Variants in HDAC9 observed in about 807,000 individuals in gnomAD.
HDAC9 encodes the protein MEF-2 interacting transcription repressor (MITR) protein.
HDAC9 carries 41 observed loss-of-function variants against 139.4 expected under a neutral mutation model. That is an observed-to-expected ratio of 0.29 (90% CI 0.23 to 0.38). HDAC9 has a LOEUF of 0.38. Ranked by LOEUF, HDAC9 falls within the 10% of genes least tolerant of loss-of-function variation. HDAC9 has a pLI of 1.00. For synonymous variants in HDAC9, 517 were observed against 476.2 expected, an observed-to-expected ratio of 1.09 and a Z score of -1.12; for missense variants, 1,147 against 1,297.0, an observed-to-expected ratio of 0.88 and a Z score of 1.78.
intron 17 of HDAC9, among the ~76,000 whole-genome samples, chr7:18,827,832 C>G (rs1795568807): frequency 6.6e-6 from 1 of 152,082 alleles, no homozygotes; most frequent in South Asian, 2.1e-4. Context: ...ATTCTCTATT[C>G]TCAGAAGTCC....
At chr7:18,163,210 C>G (rs1324104159) in intron 2 of HDAC9, among the ~76,000 whole-genome samples, 15 of 152,174 alleles carry the variant, frequency 9.9e-5, no homozygotes, top group Non-Finnish European at 2.9e-5. Context: ...TTTGGGAATT[C>G]CGCTGTTTCA....
At chr7:18,288,000 T>C (rs1370577568), upstream of HDAC9, among the ~76,000 whole-genome samples, 6 of 152,232 alleles carry the variant, frequency 3.9e-5, no homozygotes, top group Admixed American at 6.5e-5. Context: ...AAAAATTGCT[T>C]TAATTCAATT....
At chr7:18,857,848 GTGACATTCCCATTTTCAATGGGAATT>G (rs1457471571) in intron 21 of HDAC9, among the ~76,000 whole-genome samples, 1 of 152,058 alleles carries the variant, frequency 6.6e-6, no homozygotes, top group Non-Finnish European at 1.5e-5. Flanking sequence ...AAATGGGAAT[GTGACATTCCCATTTTCAATGGGAATT>G]TGAAAATATT....
At chr7:18,297,491 C>A (rs1028474284) in intron 1 of HDAC9, among the ~76,000 whole-genome samples, 2 of 152,158 alleles carry the variant, frequency 1.3e-5, no homozygotes, top group African/African-American at 4.8e-5. Flanking sequence ...CCAATCCATC[C>A]TACAGGCATA....
chr7:18,335,128 G>A (rs1404625170), intron 1 of HDAC9, among the ~76,000 whole-genome samples: 1 of 151,470 alleles, frequency 6.6e-6, no homozygotes, highest in African/African-American at 2.4e-5. Context: ...TATTGAAAGT[G>A]AGAATTGTCA....
chr7:18,550,855 T>C (rs895713508), intron 2 of HDAC9, among the ~76,000 whole-genome samples: 23 of 152,206 alleles, frequency 1.5e-4, no homozygotes, highest in African/African-American at 5.5e-4. Context: ...TTTGAAGGTG[T>C]TGGTTTTTAC....
chr7:18,853,225 T>G (rs1002778784), intron 21 of HDAC9, among the ~76,000 whole-genome samples: 6 of 152,122 alleles, frequency 3.9e-5, no homozygotes, highest in Non-Finnish European at 5.9e-5. Context: ...CATCCTAGTC[T>G]CCTTAAAAAT....
At chr7:18,899,112 G>A (rs895623048) in intron 22 of HDAC9, among the ~76,000 whole-genome samples, 1 of 151,958 alleles carries the variant, frequency 6.6e-6, no homozygotes, top group Non-Finnish European at 1.5e-5. Flanking sequence ...GAAAAAACAT[G>A]TTTTAATGTT....
intron 2 of HDAC9, among the ~76,000 whole-genome samples, chr7:18,564,191 C>T (rs192919535): frequency 6.6e-6 from 1 of 151,970 alleles, no homozygotes; most frequent in East Asian, 1.9e-4. Context: ...ATGTTCAAGG[C>T]CTGCATAGTT....
At chr7:18,847,762 G>T (rs1797007507) in intron 21 of HDAC9, among the ~76,000 whole-genome samples, 1 of 152,138 alleles carries the variant, frequency 6.6e-6, no homozygotes, top group African/African-American at 2.4e-5. Context: ...TCTGCCTTTG[G>T]TCCAACTGGT....
intron 1 of HDAC9, among the ~76,000 whole-genome samples, chr7:18,318,005 G>C (rs1022955503): frequency 6.6e-6 from 1 of 152,130 alleles, no homozygotes; most frequent in African/African-American, 2.4e-5. Flanking sequence ...ATATGATAAT[G>C]GTTGCCTGTA....
chr7:18,788,483 G>A (rs563863667), intron 16 of HDAC9, among the ~76,000 whole-genome samples: 197 of 152,178 alleles, frequency 1.3e-3, no homozygotes, highest in African/African-American at 3.9e-3. Context: ...GGCTGAACGC[G>A]GTGGTTCACA....
chr7:18,836,199 C>G (rs1796226424), intron 21 of HDAC9, among the ~76,000 whole-genome samples: 1 of 152,100 alleles, frequency 6.6e-6, no homozygotes, highest in Non-Finnish European at 1.5e-5. Flanking sequence ...CCATTTTCCC[C>G]CTTCCCTCCC....
chr7:18,864,377 G>A (rs1189119572), intron 21 of HDAC9, among the ~76,000 whole-genome samples: 1 of 152,110 alleles, frequency 6.6e-6, no homozygotes, highest in Non-Finnish European at 1.5e-5. Flanking sequence ...GGGACCAGGG[G>A]AAAATGGGGA....
intron 24 of HDAC9, among the ~76,000 whole-genome samples, chr7:18,958,780 ACT>A (rs1363912254): frequency 6.6e-6 from 1 of 152,138 alleles, no homozygotes; most frequent in Admixed American, 6.6e-5. Context: ...TCCTTGGCAC[ACT>A]CATGCAGAAT....
At chr7:18,263,496 T>C (rs977027289) in intron 2 of HDAC9, among the ~76,000 whole-genome samples, 1 of 152,158 alleles carries the variant, frequency 6.6e-6, no homozygotes, top group South Asian at 2.1e-4. Context: ...CCTGTTGCCT[T>C]GAACAAACTG....
chr7:18,653,419 GCTTTCTTC>G lies in HDAC9; in HGVS notation c.1467+4744_1467+4751del, dbSNP rs1584631557. 2.0e-5 allele frequency among the ~76,000 whole-genome samples: 3 copies of G among 151,642 alleles called. No homozygotes were observed. In the East Asian group the frequency reaches 5.8e-4, roughly 29 times the overall value. ...TTCTTGCTTGCTCGCTTGTTCTCTT[GCTTTCTTC>G]CTTTCTTATATGCTCTGTGATAAAT... is the stretch of plus-strand genomic sequence containing the variant. On this transcript the variant is annotated intron_variant, in intron 11 of 25. Coordinates refer to ENST00000686413, the MANE Select transcript of HDAC9 (RefSeq NM_178425.4).
chr7:18,727,614 C>T lies in HDAC9; in HGVS notation c.1766C>T (p.Ser589Phe). Reference sequence around the variant, plus strand: ...GAACCCACGCACACACGTGCGCTCTCTGTGCGCCAAGCTCCGCTGGCTGCG... The same window carrying T: ...GAACCCACGCACACACGTGCGCTCTTTGTGCGCCAAGCTCCGCTGGCTGCG... Reference protein sequence around the residue: ...FLEPTHTRALSVRQAPLAAVG... With the variant: ...FLEPTHTRALFVRQAPLAAVG... The change falls in exon 13 of 26, where the codon TCT (serine) becomes TTT (phenylalanine). Residue 589 changes from serine to phenylalanine, a missense_variant. Ser to Phe is a radical substitution (Grantham distance 155). Around this residue, in one of 7 missense-constraint regions of HDAC9, gnomAD observed 256 missense variants for 219.2 expected, o/e 1.17. Coordinates refer to ENST00000686413, the MANE Select transcript of HDAC9 (RefSeq NM_178425.4). 1.3e-6 allele frequency: 2 copies of T among 1,595,194 alleles called. No homozygotes were observed. The highest frequency in any genetic ancestry group is 8.5e-7 in the Non-Finnish European group (1 of 1,173,230).
intron 2 of HDAC9, among the ~76,000 whole-genome samples, chr7:18,275,134 A>G (rs982960976): frequency 6.6e-6 from 1 of 152,162 alleles, no homozygotes; most frequent in African/African-American, 2.4e-5. Context: ...TCCCATATCA[A>G]TTAATGACAC....
Sources: allele counts gnomAD v4.1 joint callset (sites outside exome capture counted in the v4.1 genomes callset), GRCh38; gene constraint gnomAD v4.1.1; regional missense constraint gnomAD v4.1.1; transcripts MANE v1.5; gene names NCBI Gene and HGNC (gene_info 2026-07-23, HGNC 2026-07-21).